Variants in INPP4B observed in about 807,000 individuals in gnomAD.
INPP4B encodes the protein inositol polyphosphate-4-phosphatase type II B.
In INPP4B, 55 loss-of-function variants were observed where a neutral mutation model predicts 122.5. The observed-to-expected ratio is 0.45, with a 90% CI of 0.36 to 0.56. The LOEUF (loss-of-function observed/expected upper bound fraction) is 0.56, where lower values mean the gene tolerates loss of function less well. Among genes scored for constraint, INPP4B ranks in the 20% least tolerant of loss-of-function variants. INPP4B has a pLI of 0.00. For synonymous variants in INPP4B, 403 were observed against 388.7 expected, an observed-to-expected ratio of 1.04 and a Z score of -0.43; for missense variants, 1,000 against 1,097.7, an observed-to-expected ratio of 0.91 and a Z score of 1.26.
At chr4:142,485,572 C>T (rs945343337) in intron 2 of INPP4B, among the ~76,000 whole-genome samples, 9 of 152,034 alleles carry the variant, frequency 5.9e-5, no homozygotes, top group Middle Eastern at 3.2e-3. Context: ...TTCTACTTTA[C>T]GGAAGTAAAA....
At chr4:142,641,384 A>G (rs1750402160) in intron 2 of INPP4B, among the ~76,000 whole-genome samples, 1 of 151,838 alleles carries the variant, frequency 6.6e-6, no homozygotes, top group Non-Finnish European at 1.5e-5. Context: ...CTCGTCATTT[A>G]CATTAGGTAT....
chr4:142,626,736 C>A (rs977676924), intron 2 of INPP4B, among the ~76,000 whole-genome samples: 2 of 151,672 alleles, frequency 1.3e-5, no homozygotes, highest in Non-Finnish European at 2.9e-5. Context: ...ATAAAAGAAA[C>A]CAACATATTC....
intron 22 of INPP4B, among the ~76,000 whole-genome samples, chr4:142,109,470 C>A (rs755584955): frequency 6.6e-6 from 1 of 152,138 alleles, no homozygotes; most frequent in Non-Finnish European, 1.5e-5. Flanking sequence ...CTTATAGTCT[C>A]CCTAGTTTAG....
chr4:142,359,013 C>T (rs1462900225), intron 7 of INPP4B, among the ~76,000 whole-genome samples: 1 of 151,938 alleles, frequency 6.6e-6, no homozygotes, highest in East Asian at 1.9e-4. Flanking sequence ...TACTGCAATA[C>T]TGGGTCTGGC....
intron 2 of INPP4B, among the ~76,000 whole-genome samples, chr4:142,511,861 C>G (rs1824763983): frequency 6.6e-6 from 1 of 152,134 alleles, no homozygotes; most frequent in African/African-American, 2.4e-5. Context: ...CCTCTACACC[C>G]TTAATATAAC....
At chr4:142,342,640 G>C (rs2094962970) in intron 7 of INPP4B, among the ~76,000 whole-genome samples, 1 of 152,088 alleles carries the variant, frequency 6.6e-6, no homozygotes, top group Admixed American at 6.6e-5. Context: ...TTTTCACAAG[G>C]AGTTAAATTA....
chr4:142,718,810 T>C lies in INPP4B; in HGVS notation c.-191+7029A>G, dbSNP rs1315207329. 2.6e-5 allele frequency among the ~76,000 whole-genome samples: 4 copies of C among 152,270 alleles called. No individual in the cohort carries two copies. The East Asian group carries it at 7.7e-4, about 29-fold the overall frequency. Reference sequence around the variant, plus strand: ...GTCCTTTTTACTGGTAGTTCTAAAATAGAGATGCAAAACTCAGTAAGATTT... The same window carrying C: ...GTCCTTTTTACTGGTAGTTCTAAAACAGAGATGCAAAACTCAGTAAGATTT... On this transcript the variant is annotated intron_variant, in intron 2 of 25. Transcript: ENST00000262992.
At chr4:142,188,270 G>A (rs1579221124) in intron 15 of INPP4B, among the ~76,000 whole-genome samples, 5 of 151,638 alleles carry the variant, frequency 3.3e-5, no homozygotes, top group South Asian at 2.1e-4. Flanking sequence ...GGTGGATTAC[G>A]AGGTCAGCAG....
intron 1 of INPP4B, among the ~76,000 whole-genome samples, chr4:142,760,575 T>C (rs1160242810): frequency 6.6e-6 from 1 of 152,068 alleles, no homozygotes; most frequent in African/African-American, 2.4e-5. Context: ...ATGCTGAAAA[T>C]TTATACTTTC....
chr4:142,042,530 G>A (rs369200673), intron 25 of INPP4B, among the ~76,000 whole-genome samples: 1 of 22,852 alleles, frequency 4.4e-5, no homozygotes, highest in African/African-American at 7.0e-5. Flanking sequence ...ATGTATGTAT[G>A]TATGTATGTA....
In INPP4B at chr4:142,024,602, C is replaced by G. The variant is rs1386570160; in HGVS notation, c.*4180G>C. Reference sequence around the variant, plus strand: ...ATGATATACCATCCTGCTTGGAAATCAAACACCTAAAACATCTGTGGTGAT... The same window carrying G: ...ATGATATACCATCCTGCTTGGAAATGAAACACCTAAAACATCTGTGGTGAT... On this transcript the variant is annotated 3_prime_UTR_variant, in exon 26 of 26. Coordinates refer to ENST00000262992, the MANE Select transcript of INPP4B (RefSeq NM_001101669.3). 1 of 152,104 alleles carries G rather than the reference C, an allele frequency of 6.6e-6. No individual in the cohort carries two copies. The highest frequency in any genetic ancestry group is 1.5e-5 in the Non-Finnish European group (1 of 67,994). The allele number at this position is 152,104 out of a possible 1,614,324, so 9.4% of individuals were successfully genotyped here. A position where few individuals can be genotyped will look rare whatever the true frequency, so the allele number is the denominator to read the frequency against.
intron 25 of INPP4B, among the ~76,000 whole-genome samples, chr4:142,076,145 A>G (rs1312694265): frequency 6.6e-6 from 1 of 152,016 alleles, no homozygotes; most frequent in African/African-American, 2.4e-5. Flanking sequence ...CTATCAACAA[A>G]AGAAAGTATG....
chr4:142,818,673 A>C (rs983458138), intron 1 of INPP4B, among the ~76,000 whole-genome samples: 1 of 152,120 alleles, frequency 6.6e-6, no homozygotes, highest in African/African-American at 2.4e-5. Context: ...TGTAGCCAGC[A>C]GCTGCCTCTA....
chr4:142,561,478 G>C (rs540601627), intron 2 of INPP4B, among the ~76,000 whole-genome samples: 41 of 152,222 alleles, frequency 2.7e-4, no homozygotes, highest in Non-Finnish European at 5.7e-4. Flanking sequence ...GAGTGTAGTG[G>C]CGCGATCTCA....
chr4:142,139,435 T>A (rs1311584898), intron 18 of INPP4B, among the ~76,000 whole-genome samples: 2 of 151,938 alleles, frequency 1.3e-5, no homozygotes, highest in Admixed American at 1.3e-4. Flanking sequence ...GCCTCCCGAG[T>A]AGCTGGGACT....
intron 7 of INPP4B, among the ~76,000 whole-genome samples, chr4:142,398,568 C>T (rs62328321): frequency 0.52 from 77,985 of 149,374 alleles, 23,354 homozygotes; most frequent in South Asian, 0.78. Context: ...TGTATCTCAA[C>T]AGGTATAGTT....
At position 142,384,177 on chromosome 4, in the gene INPP4B, A is replaced by G. The variant is rs777829625; in HGVS notation, c.372+18761T>C. The G allele has an allele frequency of 3.5e-4, 248 of 700,874 alleles. 2 individuals are homozygous for G. The highest frequency in any genetic ancestry group is 5.4e-4 in the Non-Finnish European group (207 of 384,104). 43.4% of individuals were successfully genotyped at this position (700,874 alleles called of 1,614,324 possible). A position where few individuals can be genotyped will look rare whatever the true frequency, so the allele number is the denominator to read the frequency against. ...CTGACATAGCTTCTAAAAATGTTCA[A>G]GAATTCCAGTACATGTGGGTTAAGA... On this transcript the variant is annotated intron_variant, in intron 7 of 25. Coordinates refer to ENST00000262992, the MANE Select transcript of INPP4B (RefSeq NM_001101669.3).
chr4:142,072,596 A>G (rs1323341016), intron 25 of INPP4B, among the ~76,000 whole-genome samples: 1 of 150,088 alleles, frequency 6.7e-6, no homozygotes, highest in African/African-American at 2.5e-5. Context: ...ACAACCATTT[A>G]CAGTTTAGTA....
At chr4:142,411,569 T>C (rs1408988390) in intron 5 of INPP4B, among the ~76,000 whole-genome samples, 1 of 152,034 alleles carries the variant, frequency 6.6e-6, no homozygotes, top group African/African-American at 2.4e-5. Flanking sequence ...ACAGAGGACA[T>C]TGGCATCCTA....
Sources: gnomAD v4.1 joint callset for allele counts (sites outside exome capture counted in the v4.1 genomes callset) on GRCh38, gnomAD v4.1.1 for gene constraint, MANE v1.5 for transcripts, NCBI Gene and HGNC (gene_info 2026-07-23, HGNC 2026-07-21) for gene names.